KAT2B: variants seen among roughly 807,000 people sequenced by gnomAD.
KAT2B encodes the protein histone acetyltransferase KAT2B.
In KAT2B, 36 loss-of-function variants were observed where a neutral mutation model predicts 105.9. That is an observed-to-expected ratio of 0.34 (90% confidence interval 0.26 to 0.45). The LOEUF (loss-of-function observed/expected upper bound fraction) is 0.45. KAT2B is among the 20% of genes least tolerant of loss of function. The pLI, the probability that KAT2B is intolerant of heterozygous loss-of-function variation, is 1.00. For synonymous variants in KAT2B, 397 were observed against 377.9 expected (o/e 1.05, Z -0.59); for missense variants, 820 against 1,021.6 (o/e 0.80, Z 2.69).
At chr3:20,129,548 G>T (rs1473525819) in intron 11 of KAT2B, among the ~76,000 whole-genome samples, 1 of 151,880 alleles carries the variant, frequency 6.6e-6, no homozygotes, top group Admixed American at 6.6e-5. Flanking sequence ...GCCAATTTTT[G>T]TATTTTTAGT....
chr3:20,119,630 T>G lies in KAT2B; in HGVS notation c.1183T>G (p.Ser395Ala). Reference protein sequence around the residue: ...INPPPVAGTISYNSTSSSLEQ... With the variant: ...INPPPVAGTIAYNSTSSSLEQ... ...TCCACCTCCTGTGGCTGGGACAATT[T>G]CATACAATTCAACCTCATCTTCCCT... The change falls in exon 8 of 18, where the codon TCA (serine) becomes GCA (alanine). Residue 395 changes from serine to alanine, a missense_variant. By Grantham distance (99) the Ser-to-Ala change is moderately conservative. Transcript: ENST00000263754. 6.2e-7 allele frequency: 1 copy of G among 1,614,106 alleles called. No individual in the cohort carries two copies.
At chr3:20,143,354 T>C (rs1171827858) in intron 13 of KAT2B, among the ~76,000 whole-genome samples, 3 of 152,102 alleles carry the variant, frequency 2.0e-5, no homozygotes, top group African/African-American at 7.2e-5. Flanking sequence ...CCAGTCAGAA[T>C]GGCTATTATT....
intron 11 of KAT2B, among the ~76,000 whole-genome samples, chr3:20,133,276 T>C (rs1394272387): frequency 1.3e-5 from 2 of 152,308 alleles, no homozygotes; most frequent in East Asian, 3.9e-4. Flanking sequence ...ATTGTATGCA[T>C]TGCATTACTG....
At chr3:20,054,034 G>T (rs1198793981) in intron 1 of KAT2B, among the ~76,000 whole-genome samples, 1 of 152,200 alleles carries the variant, frequency 6.6e-6, no homozygotes, top group South Asian at 2.1e-4. Context: ...CTGACCTCAA[G>T]TGATCCATCC....
chr3:20,121,728 GCA>G lies in KAT2B; in HGVS notation c.1277-939_1277-938del, dbSNP rs1491450620. On this transcript the variant is annotated intron_variant, in intron 8 of 17. Coordinates refer to ENST00000263754, the MANE Select transcript of KAT2B (RefSeq NM_003884.5). ...AATATATATGCATACATACACATAT[GCA>G]TATGTGTGTGTGTGTGTGTGTGTGT... Among the ~76,000 whole-genome samples, 270 of 110,490 alleles carry G rather than the reference GCA, an allele frequency of 2.4e-3. 2 individuals carry two copies. The highest frequency in any genetic ancestry group is 9.2e-3 in the African/African-American group (254 of 27,666). The allele number at this position is 110,490 out of a possible 152,430, so 72.5% of individuals were successfully genotyped here. A position where few individuals can be genotyped will look rare whatever the true frequency, so the allele number is the denominator to read the frequency against.
Position 20,116,772 on chromosome 3 carries a change from G to A in KAT2B, c.1150+1784G>A, listed in dbSNP as rs540477937. Among the ~76,000 whole-genome samples, 3 of 152,302 alleles carry A rather than the reference G, an allele frequency of 2.0e-5. No homozygotes were observed. In the South Asian group the frequency reaches 6.2e-4, roughly 32 times the overall value. ...TAAGCCTTTTCACAAACCCTGGGAA[G>A]TTGGAATTATGATCTCCTTTACATA... On this transcript the variant is annotated intron_variant, in intron 7 of 17. Coordinates refer to ENST00000263754, the MANE Select transcript of KAT2B (RefSeq NM_003884.5).
At chr3:20,046,180 G>C (rs1407384016) in intron 1 of KAT2B, among the ~76,000 whole-genome samples, 1 of 152,238 alleles carries the variant, frequency 6.6e-6, no homozygotes, top group African/African-American at 2.4e-5. Context: ...TCGTATATCA[G>C]AGTCAGTGGC....
chr3:20,045,894 C>G (rs1392759196), intron 1 of KAT2B, among the ~76,000 whole-genome samples: 1 of 152,140 alleles, frequency 6.6e-6, no homozygotes, highest in Non-Finnish European at 1.5e-5. Flanking sequence ...TGGTGTCTTG[C>G]CCATGGCAAG....
chr3:20,104,881 TG>T (rs1408266936), intron 5 of KAT2B, among the ~76,000 whole-genome samples: 1 of 89,546 alleles, frequency 1.1e-5, no homozygotes, highest in Non-Finnish European at 2.1e-5. Context: ...CTTTTTTTGT[TG>T]TTTTTTTGTT....
intron 1 of KAT2B, among the ~76,000 whole-genome samples, chr3:20,049,254 C>A (rs537773986): frequency 6.6e-6 from 1 of 152,256 alleles, no homozygotes; most frequent in African/African-American, 2.4e-5. Flanking sequence ...TTAAATACTT[C>A]AGGATATATG....
At chr3:20,106,961 G>GTATATATATATATATATGTATATATA (rs1253246824) in intron 5 of KAT2B, among the ~76,000 whole-genome samples, 1 of 69,968 alleles carries the variant, frequency 1.4e-5, no homozygotes, top group African/African-American at 5.3e-5. Flanking sequence ...AATTTTATGT[G>GTATATATATATATATATGTATATATA]TATATATATA....
At chr3:20,144,568 C>T (rs563544011) in intron 13 of KAT2B, among the ~76,000 whole-genome samples, 2 of 149,956 alleles carry the variant, frequency 1.3e-5, no homozygotes, top group African/African-American at 2.4e-5. Flanking sequence ...GGATTACAGG[C>T]GTGAGCCACC....
intron 1 of KAT2B, among the ~76,000 whole-genome samples, chr3:20,066,548 G>A (rs1258927767): frequency 6.6e-6 from 1 of 151,952 alleles, no homozygotes; most frequent in African/African-American, 2.4e-5. Flanking sequence ...ACAGGCATGT[G>A]TCACTATGCC....
At chr3:20,095,443 A>G in intron 3 of KAT2B, 35 bp downstream of exon 3, 1 of 1,448,896 alleles carries the variant, frequency 6.9e-7, no homozygotes. Context: ...ATTTTCTCTC[A>G]TTATTCAAAT....
intron 13 of KAT2B, among the ~76,000 whole-genome samples, chr3:20,144,809 T>C (rs1699757594): frequency 6.6e-6 from 1 of 151,686 alleles, no homozygotes; most frequent in Non-Finnish European, 1.5e-5. Context: ...TCTTTTTTTT[T>C]TTTTAAGAGG....
intron 14 of KAT2B, chr3:20,146,672 T>A (rs56930557): frequency 0.78 from 262,613 of 337,628 alleles, 103,764 homozygotes; most frequent in East Asian, 0.98. Context: ...CACCACTTAA[T>A]GAGTCTGCCA....
At chr3:20,054,625 G>A (rs370369827) in intron 1 of KAT2B, among the ~76,000 whole-genome samples, 4 of 152,152 alleles carry the variant, frequency 2.6e-5, no homozygotes, top group Middle Eastern at 3.2e-3. Flanking sequence ...AGCTTTTTGC[G>A]AGGTTTGTGT....
chr3:20,069,859 C>G (rs568100787), intron 1 of KAT2B, among the ~76,000 whole-genome samples: 15 of 152,182 alleles, frequency 9.9e-5, no homozygotes, highest in Non-Finnish European at 1.0e-4. Context: ...TTTTAATAAC[C>G]CTTAGGCCAA....
intron 5 of KAT2B, among the ~76,000 whole-genome samples, chr3:20,108,131 C>T (rs553873077): frequency 2.6e-5 from 4 of 152,270 alleles, no homozygotes; most frequent in Admixed American, 6.5e-5. Flanking sequence ...GTATTTTTCA[C>T]ACATCTTAAT....
Sources: allele counts gnomAD v4.1 joint callset (sites outside exome capture counted in the v4.1 genomes callset), GRCh38; gene constraint gnomAD v4.1.1; transcripts MANE v1.5; gene names NCBI Gene and HGNC (gene_info 2026-07-23, HGNC 2026-07-21).